GRAMD4: variants seen among roughly 807,000 people sequenced by gnomAD.
GRAMD4 encodes the protein GRAM domain containing 4, also known as GRAM domain-containing protein 4.
A neutral mutation model predicts 83.9 loss-of-function variants in GRAMD4; 25 were observed. That is an observed-to-expected ratio of 0.30 (90% CI 0.22 to 0.42). The LOEUF is 0.42. GRAMD4 is among the 10% of genes least tolerant of loss of function. The pLI is 1.00. For missense variants in GRAMD4, 593 were observed against 788.7 expected (o/e 0.75, Z 2.97); for synonymous variants, 336 against 320.9 (o/e 1.05, Z -0.50).
At chr22:46,676,898 G>T (rs1448061668) in intron 18 of GRAMD4, among the ~76,000 whole-genome samples, 2 of 152,230 alleles carry the variant, frequency 1.3e-5, no homozygotes, top group African/African-American at 4.8e-5. Context: ...TTGGGCACAG[G>T]GGTCCCCTGA....
chr22:46,608,673 C>A (rs2081388485), intron 1 of GRAMD4, among the ~76,000 whole-genome samples: 1 of 152,056 alleles, frequency 6.6e-6, no homozygotes. Flanking sequence ...GAGCGAAATT[C>A]CGTATCAAAA....
In GRAMD4 at chr22:46,671,464, ACT is replaced by A. The variant is rs557400210; in HGVS notation, c.1085-1376_1085-1375del. ...ACTCCAGCCTGGGCGACAGAGCAAG[ACT>A]CTGTCTCAAATAAAAAAATTAAAAT... On this transcript the variant is annotated intron_variant, in intron 13 of 18. Transcript: ENST00000406902. Among the ~76,000 whole-genome samples the A allele has an allele frequency of 2.0e-3, 300 of 151,784 alleles. 1 individual carries two copies. Among genetic ancestry groups the A allele is most frequent in the Admixed American group, 3.7e-3 (57 of 15,222 alleles).
intron 3 of GRAMD4, among the ~76,000 whole-genome samples, chr22:46,650,432 G>A (rs2082148509): frequency 1.3e-5 from 2 of 149,194 alleles, no homozygotes; most frequent in Admixed American, 1.3e-4. Flanking sequence ...GTGGAGGGCT[G>A]AGCATTGAGG....
intron 3 of GRAMD4, among the ~76,000 whole-genome samples, chr22:46,648,045 C>T (rs758479369): frequency 2.0e-5 from 3 of 152,208 alleles, no homozygotes; most frequent in Non-Finnish European, 4.4e-5. Flanking sequence ...GGATGCTCAG[C>T]GCACAACTTT....
chr22:46,676,479 A>G, intron 17 of GRAMD4, 121 bp from the exon 18 acceptor site: 1 of 771,876 alleles, frequency 1.3e-6, no homozygotes, highest in Non-Finnish European at 2.2e-6. Flanking sequence ...TGGAAGTCCC[A>G]GGTGCCCGTG....
At chr22:46,640,166 G>A (rs1292508605) in intron 3 of GRAMD4, among the ~76,000 whole-genome samples, 1 of 152,250 alleles carries the variant, frequency 6.6e-6, no homozygotes, top group Non-Finnish European at 1.5e-5. Context: ...CTTATCCGCT[G>A]AACCTCACGA....
chr22:46,602,298 A>G (rs1304657748), intron 1 of GRAMD4, among the ~76,000 whole-genome samples: 1 of 152,180 alleles, frequency 6.6e-6, no homozygotes, highest in Middle Eastern at 3.2e-3. Flanking sequence ...TCCACGTGGG[A>G]CAGAGCCTGT....
chr22:46,623,236 T>G (rs2081603321), intron 1 of GRAMD4, among the ~76,000 whole-genome samples: 1 of 152,086 alleles, frequency 6.6e-6, no homozygotes, highest in Non-Finnish European at 1.5e-5. Context: ...TGATGGATGG[T>G]GTGTGACGTG....
intron 3 of GRAMD4, among the ~76,000 whole-genome samples, chr22:46,639,472 A>C (rs576758900): frequency 1.1e-4 from 16 of 149,416 alleles, no homozygotes; most frequent in Non-Finnish European, 2.2e-4. Flanking sequence ...CTGTGAGTGC[A>C]CATGTGCGGC....
chr22:46,620,521 G>C lies in GRAMD4; in HGVS notation c.-94G>C. 1 of 972,430 alleles carries C rather than the reference G, an allele frequency of 1.0e-6. No individual in the cohort carries two copies. Among genetic ancestry groups the C allele is most frequent in the Non-Finnish European group, 1.2e-6 (1 of 826,394 alleles). 60.2% of individuals were successfully genotyped at this position (972,430 alleles called of 1,614,324 possible). ...TGGTTCTGGGCCAGGACCTGAAGGA[G>C]CCACAGTGAAAGAGTGTTTCTGGAT... On this transcript the variant is annotated 5_prime_UTR_variant, in exon 1 of 19. Coordinates refer to ENST00000406902, the MANE Select transcript of GRAMD4 (RefSeq NM_015124.5). This position sits in a 1 kb window ranked among gnomAD's most constrained non-coding sequence, Gnocchi z 4.7.
chr22:46,633,954 C>T (rs2081818366), intron 2 of GRAMD4, among the ~76,000 whole-genome samples: 1 of 152,228 alleles, frequency 6.6e-6, no homozygotes, highest in Non-Finnish European at 1.5e-5. Flanking sequence ...CCTCCATCAT[C>T]CTACGTGGAC....
chr22:46,625,939 T>G lies in GRAMD4; in HGVS notation c.-49-812T>G, dbSNP rs190271512. ...ACTCGCACCTCAGTGTGACCAGGTT[T>G]CTGTGTTGATTGGAGGAGGAGGCAG... is the stretch of plus-strand genomic sequence containing the variant. On this transcript the variant is annotated intron_variant, in intron 1 of 18. Coordinates refer to ENST00000406902, the MANE Select transcript of GRAMD4 (RefSeq NM_015124.5). 2.3e-4 allele frequency among the ~76,000 whole-genome samples: 35 copies of G among 152,334 alleles called. 1 individual carries two copies. The highest frequency in any genetic ancestry group is 2.2e-3 in the Admixed American group (34 of 15,314).
At chr22:46,579,145 A>C (rs958232826) in intron 1 of GRAMD4, among the ~76,000 whole-genome samples, 2 of 152,218 alleles carry the variant, frequency 1.3e-5, no homozygotes, top group Non-Finnish European at 2.9e-5. Flanking sequence ...GTTTCCACAT[A>C]GCCCTGGGAG....
intron 1 of GRAMD4, among the ~76,000 whole-genome samples, chr22:46,605,907 T>G (rs1182487922): frequency 6.6e-6 from 1 of 150,406 alleles, no homozygotes; most frequent in Non-Finnish European, 1.5e-5. Flanking sequence ...GCTGAGCATC[T>G]CTGCATTGGT....
chr22:46,626,628 G>T, intron 1 of GRAMD4, 123 bp from the exon 2 acceptor site: 1 of 592,466 alleles, frequency 1.7e-6, no homozygotes, highest in Non-Finnish European at 2.9e-6. Flanking sequence ...GACGGTGGCA[G>T]GGCGGGGTCT....
chr22:46,577,205 C>A, exon 1 of GRAMD4: 1 of 835,698 alleles, frequency 1.2e-6, no homozygotes, highest in Non-Finnish European at 1.4e-6. Context: ...GGCTCCCGGG[C>A]GGGCGGCAGG....
intron 10 of GRAMD4, 47 bp from the exon 11 acceptor site, chr22:46,668,049 G>T (rs2082437003): frequency 2.2e-6 from 3 of 1,377,720 alleles, no homozygotes; most frequent in South Asian, 1.2e-5. Flanking sequence ...TGGTTTTTCT[G>T]AACTGTTAAA....
chr22:46,623,125 T>C (rs1042748515), intron 1 of GRAMD4, among the ~76,000 whole-genome samples: 4 of 152,116 alleles, frequency 2.6e-5, no homozygotes, highest in African/African-American at 9.6e-5. Flanking sequence ...ATAACGACAG[T>C]CACAGGAAGG....
chr22:46,655,440 C>T (rs945550021), intron 3 of GRAMD4, among the ~76,000 whole-genome samples: 3 of 152,016 alleles, frequency 2.0e-5, no homozygotes, highest in Non-Finnish European at 4.4e-5. Context: ...GCTGGGAGGC[C>T]GGTTAAGAAC....
Sources: gnomAD v4.1 joint callset for allele counts (sites outside exome capture counted in the v4.1 genomes callset) on GRCh38, gnomAD v4.1.1 for gene constraint, Gnocchi (gnomAD v3.1) non-coding constraint, MANE v1.5 for transcripts, NCBI Gene and HGNC (gene_info 2026-07-23, HGNC 2026-07-21) for gene names.